ATG7: variants seen among roughly 807,000 people sequenced by gnomAD.
ATG7 encodes ubiquitin-like modifier-activating enzyme ATG7.
ATG7 carries 70 observed loss-of-function variants against 82.4 expected under a neutral mutation model. The observed-to-expected ratio is 0.85, with a 90% CI of 0.70 to 1.04. The LOEUF is 1.04. ATG7 is among the 50% of genes least tolerant of loss of function. The pLI, the probability that ATG7 is intolerant of heterozygous loss-of-function variation, is 0.00. For synonymous variants in ATG7, 287 were observed against 313.0 expected, an observed-to-expected ratio of 0.92 and a Z score of 0.88; for missense variants, 792 against 864.3, an observed-to-expected ratio of 0.92 and a Z score of 1.05.
chr3:11,488,674 C>T (rs936764134), intron 20 of ATG7, among the ~76,000 whole-genome samples: 1 of 152,204 alleles, frequency 6.6e-6, no homozygotes, highest in African/African-American at 2.4e-5. Flanking sequence ...GTGAATGATT[C>T]TTCTGGTTCT....
At chr3:11,538,112 G>A (rs2070477023) in intron 20 of ATG7, among the ~76,000 whole-genome samples, 1 of 152,208 alleles carries the variant, frequency 6.6e-6, no homozygotes, top group Non-Finnish European at 1.5e-5. Context: ...TGTTCCTGAG[G>A]GCCACAGGGA....
At chr3:11,517,216 C>G (rs1009530988) in intron 20 of ATG7, among the ~76,000 whole-genome samples, 2 of 151,906 alleles carry the variant, frequency 1.3e-5, no homozygotes, top group Admixed American at 1.3e-4. Flanking sequence ...TAGCGCATGC[C>G]TGTAATCCCA....
intron 13 of ATG7, among the ~76,000 whole-genome samples, chr3:11,347,370 G>A (rs904420248): frequency 6.6e-6 from 1 of 152,132 alleles, no homozygotes; most frequent in Admixed American, 6.5e-5. Context: ...TATTAATAAG[G>A]CTTTGCCTCT....
chr3:11,573,557 C>G, the ATG7 span, among the ~76,000 whole-genome samples: 1 of 152,148 alleles, frequency 6.6e-6, no homozygotes. Context: ...GCTGTCCCTC[C>G]GACGGCCATG....
At chr3:11,542,120 C>T (rs1229528508) in intron 20 of ATG7, among the ~76,000 whole-genome samples, 1 of 152,240 alleles carries the variant, frequency 6.6e-6, no homozygotes. Flanking sequence ...TTCGCGTCAG[C>T]GACAGGAGCC....
At chr3:11,360,987 AT>A in intron 16 of ATG7, among the ~76,000 whole-genome samples, 1 of 152,202 alleles carries the variant, frequency 6.6e-6, no homozygotes, top group Non-Finnish European at 1.5e-5. Flanking sequence ...TTGTTCACCA[AT>A]ATAAACGCGG....
chr3:11,504,508 G>A (rs954315613), intron 20 of ATG7, among the ~76,000 whole-genome samples: 2 of 152,216 alleles, frequency 1.3e-5, no homozygotes, highest in Middle Eastern at 3.2e-3. Flanking sequence ...AAACAGTAGC[G>A]AAGGGAAGCC....
At chr3:11,365,036 T>G (rs1404417072) in intron 18 of ATG7, among the ~76,000 whole-genome samples, 1 of 152,180 alleles carries the variant, frequency 6.6e-6, no homozygotes, top group African/African-American at 2.4e-5. Flanking sequence ...ATACAATGGT[T>G]TAAATCCCAG....
chr3:11,305,811 C>G (rs1199080282), intron 5 of ATG7, among the ~76,000 whole-genome samples: 1 of 152,148 alleles, frequency 6.6e-6, no homozygotes, highest in Non-Finnish European at 1.5e-5. Context: ...CCCTTCATAC[C>G]TGTTCTAGGT....
At chr3:11,488,505 C>G (rs1001022666) in intron 20 of ATG7, 3 of 1,235,002 alleles carry the variant, frequency 2.4e-6, no homozygotes, top group African/African-American at 3.2e-5. Flanking sequence ...GTGTCAGCGC[C>G]GCGACTGTCC....
At chr3:11,401,367 T>C (rs1049495827) in intron 19 of ATG7, among the ~76,000 whole-genome samples, 8 of 152,222 alleles carry the variant, frequency 5.3e-5, no homozygotes, top group African/African-American at 1.7e-4. Context: ...TCAAATAATA[T>C]CTTTGGTTTG....
chr3:11,482,999 C>T (rs1029150438), intron 20 of ATG7, among the ~76,000 whole-genome samples: 2 of 152,098 alleles, frequency 1.3e-5, no homozygotes, highest in Middle Eastern at 3.4e-3. Flanking sequence ...CCTCTATCAC[C>T]CTAGTTACTT....
At position 11,481,864 on chromosome 3, in the gene ATG7, A is replaced by T. The variant is rs76736714; in HGVS notation, c.2079+54938A>T. ...TTATTTATCTGTAAGATGGGAGTGA[A>T]GGCCAAAGGCCTTTGGCCTGGCAAG... On this transcript the variant is annotated intron_variant, in intron 20 of 20. Coordinates refer to ENST00000693202, the MANE Select transcript of ATG7 (RefSeq NM_001349232.2). Among the ~76,000 whole-genome samples the T allele has an allele frequency of 6.6e-3, 1,000 of 152,312 alleles. 10 individuals are homozygous for T. The highest frequency in any genetic ancestry group is 0.023 in the African/African-American group (950 of 41,560).
At chr3:11,421,084 C>G (rs1225032002) in intron 19 of ATG7, among the ~76,000 whole-genome samples, 2 of 152,094 alleles carry the variant, frequency 1.3e-5, no homozygotes, top group African/African-American at 2.4e-5. Context: ...CTAAAAAATG[C>G]TAACAATATT....
At position 11,379,887 on chromosome 3, in the gene ATG7, A is replaced by G. The variant is rs182893616; in HGVS notation, c.1876-85A>G. The G allele has an allele frequency of 8.0e-5, 106 of 1,329,924 alleles. 1 individual carries two copies. In the Middle Eastern group the frequency reaches 5.4e-3, roughly 68 times the overall value. The allele number at this position is 1,329,924 out of a possible 1,614,324, so 82.4% of individuals were successfully genotyped here. A position where few individuals can be genotyped will look rare whatever the true frequency, so the allele number is the denominator to read the frequency against. On this transcript the variant is annotated intron_variant, in intron 18 of 20. Coordinates refer to ENST00000693202, the MANE Select transcript of ATG7 (RefSeq NM_001349232.2). ...CGGGCCGCCATATTAATCATTTCCT[A>G]CTTGTTGTCAGAAACCAGACGTGCA...
intron 8 of ATG7, among the ~76,000 whole-genome samples, chr3:11,314,519 C>A (rs1349356769): frequency 2.0e-5 from 3 of 152,036 alleles, no homozygotes; most frequent in East Asian, 1.9e-4. Context: ...TGACTGCTGG[C>A]AGGTATGGGG....
intron 18 of ATG7, among the ~76,000 whole-genome samples, chr3:11,368,818 A>G (rs1210958671): frequency 6.6e-6 from 1 of 150,410 alleles, no homozygotes; most frequent in Non-Finnish European, 1.5e-5. Context: ...TTCCTGCTTT[A>G]TCCCACTTGT....
chr3:11,366,563 T>C (rs1432752922), intron 18 of ATG7, among the ~76,000 whole-genome samples: 4 of 152,226 alleles, frequency 2.6e-5, no homozygotes, highest in Non-Finnish European at 5.9e-5. Context: ...TCTCCCGCCT[T>C]CTTCTGACCT....
At chr3:11,458,930 T>C (rs1364547376) in intron 20 of ATG7, among the ~76,000 whole-genome samples, 2 of 152,062 alleles carry the variant, frequency 1.3e-5, no homozygotes, top group Admixed American at 6.5e-5. Flanking sequence ...GGGAACACAA[T>C]TGTGAACTGT....
Sources: allele counts gnomAD v4.1 joint callset (sites outside exome capture counted in the v4.1 genomes callset), GRCh38; gene constraint gnomAD v4.1.1; transcripts MANE v1.5; gene names NCBI Gene and HGNC (gene_info 2026-07-23, HGNC 2026-07-21).